MSL2: variants seen among roughly 807,000 people sequenced by gnomAD.
The protein encoded by MSL2 is MSL complex subunit 2.
In MSL2, 2 loss-of-function variants were observed where a neutral mutation model predicts 35.8. The ratio of observed to expected loss-of-function variants is 0.06; its 90% CI spans 0.02 to 0.18. MSL2 has a LOEUF of 0.18. Ranked by LOEUF, MSL2 falls within the 10% of genes least tolerant of loss-of-function variation. MSL2 has a pLI of 1.00. For synonymous variants in MSL2, 296 were observed against 255.7 expected (o/e 1.16, Z -1.50); for missense variants, 523 against 706.7 (o/e 0.74, Z 2.95).
intron 1 of MSL2, among the ~76,000 whole-genome samples, chr3:136,191,725 A>T (rs750020388): frequency 6.6e-6 from 1 of 152,172 alleles, no homozygotes; most frequent in Non-Finnish European, 1.5e-5. Flanking sequence ...GTGAGCTAGG[A>T]TCGCACCACT....
chr3:136,173,195 G>A (rs1035461886), intron 1 of MSL2, among the ~76,000 whole-genome samples: 1 of 152,014 alleles, frequency 6.6e-6, no homozygotes, highest in African/African-American at 2.4e-5. Flanking sequence ...AAAGAAGGTG[G>A]AACATACTTC....
chr3:136,161,943 T>C (rs1939717343), intron 1 of MSL2, among the ~76,000 whole-genome samples: 1 of 146,694 alleles, frequency 6.8e-6, no homozygotes, highest in African/African-American at 2.5e-5. Flanking sequence ...TATATATGCA[T>C]TTTTTTTTTC....
chr3:136,175,434 C>A (rs901720314), intron 1 of MSL2, among the ~76,000 whole-genome samples: 2 of 151,778 alleles, frequency 1.3e-5, no homozygotes, highest in African/African-American at 4.8e-5. Flanking sequence ...ACTTACAATA[C>A]CAGCATTTTG....
intron 1 of MSL2, among the ~76,000 whole-genome samples, chr3:136,185,547 G>T (rs1303811453): frequency 7.0e-6 from 1 of 142,648 alleles, no homozygotes; most frequent in African/African-American, 2.5e-5. Context: ...TGGAGGGGGG[G>T]GTGGGGGAAG....
intron 1 of MSL2, among the ~76,000 whole-genome samples, chr3:136,172,775 A>AT (rs1940063442): frequency 6.6e-6 from 1 of 152,122 alleles, no homozygotes; most frequent in African/African-American, 2.4e-5. Flanking sequence ...TCAAGAGCTA[A>AT]TAAAAAAAAA....
chr3:136,156,168 C>A (rs1364074250), intron 1 of MSL2, among the ~76,000 whole-genome samples: 3 of 152,158 alleles, frequency 2.0e-5, no homozygotes, highest in African/African-American at 7.2e-5. Flanking sequence ...TTTTAAACAA[C>A]TGAATTATAT....
At chr3:136,162,404 A>G (rs1939734664) in intron 1 of MSL2, among the ~76,000 whole-genome samples, 1 of 151,934 alleles carries the variant, frequency 6.6e-6, no homozygotes, top group African/African-American at 2.4e-5. Flanking sequence ...CAATATGGCA[A>G]AACCCCATCT....
chr3:136,163,557 C>A (rs1939766540), intron 1 of MSL2, among the ~76,000 whole-genome samples: 1 of 152,134 alleles, frequency 6.6e-6, no homozygotes, highest in South Asian at 2.1e-4. Flanking sequence ...CCTTGTTATG[C>A]CAGGAAGCAG....
At chr3:136,162,352 G>A (rs903570643) in intron 1 of MSL2, among the ~76,000 whole-genome samples, 3 of 151,146 alleles carry the variant, frequency 2.0e-5, no homozygotes, top group Non-Finnish European at 4.4e-5. Flanking sequence ...AGAGGCCAGC[G>A]TAGGCAGATC....
intron 1 of MSL2, among the ~76,000 whole-genome samples, chr3:136,153,698 G>C (rs1173532549): frequency 6.6e-6 from 1 of 151,964 alleles, no homozygotes; most frequent in African/African-American, 2.4e-5. Flanking sequence ...GCTGAGGCAG[G>C]AGCATCACTT....
chr3:136,154,662 GA>G (rs1210853056), intron 1 of MSL2, among the ~76,000 whole-genome samples: 7 of 152,034 alleles, frequency 4.6e-5, no homozygotes, highest in Admixed American at 4.6e-4. Context: ...GAGAAACTGA[GA>G]AAACATTTAC....
intron 1 of MSL2, among the ~76,000 whole-genome samples, chr3:136,184,070 C>T (rs1461836071): frequency 2.6e-5 from 4 of 152,078 alleles, no homozygotes; most frequent in South Asian, 2.1e-4. Flanking sequence ...CAAAGGCGGG[C>T]GGATCACGAA....
rs1229147853 is a variant in MSL2, at chr3:136,151,856, C to T, written c.1025G>A (p.Arg342Gln). The T allele has an allele frequency of 6.2e-7, 1 of 1,613,982 alleles. No homozygotes were observed. ...CTCACTGTCACTCTCTGATCTGGAT[C>T]GTTTTCTATTCAATTTTGCTATCTT... ...TPKIAKLNRK[R>Q]SRSESDSEKV... is the part of the protein sequence containing the mutation. The change falls in exon 2 of 2, where the codon CGA becomes CAA. Residue 342 changes from arginine (R) to glutamine (Q), a missense_variant. Coordinates refer to ENST00000309993, the MANE Select transcript of MSL2 (RefSeq NM_018133.4). This position sits in a 1 kb window ranked among gnomAD's most constrained non-coding sequence, Gnocchi z 5.2.
chr3:136,189,708 C>T (rs1327872778), intron 1 of MSL2, among the ~76,000 whole-genome samples: 1 of 122,908 alleles, frequency 8.1e-6, no homozygotes, highest in African/African-American at 3.2e-5. Context: ...TGGGCGACAG[C>T]GAGACGCCGT....
intron 1 of MSL2, among the ~76,000 whole-genome samples, chr3:136,188,195 G>A (rs1485286501): frequency 6.6e-6 from 1 of 152,122 alleles, no homozygotes; most frequent in African/African-American, 2.4e-5. Flanking sequence ...ACCACTTTGG[G>A]AGGCCAAGCT....
intron 1 of MSL2, among the ~76,000 whole-genome samples, chr3:136,163,973 A>G (rs551909150): frequency 6.6e-6 from 1 of 152,330 alleles, no homozygotes; most frequent in East Asian, 1.9e-4. Flanking sequence ...TTTGTAAATT[A>G]CCCAGTCTCA....
chr3:136,154,547 C>T (rs1351631797), intron 1 of MSL2, among the ~76,000 whole-genome samples: 2 of 150,270 alleles, frequency 1.3e-5, no homozygotes. Flanking sequence ...TGTTCAACCA[C>T]AACAGAAATT....
intron 1 of MSL2, chr3:136,194,304 AT>A (rs998749587): frequency 1.3e-4 from 77 of 610,844 alleles, no homozygotes; most frequent in Non-Finnish European, 1.5e-4. Flanking sequence ...CCACGAGTTA[AT>A]TTTTTTTAAC....
In MSL2 at chr3:136,158,429, A is replaced by G. The variant is rs77402570; in HGVS notation, c.143-5691T>C. On this transcript the variant is annotated intron_variant, in intron 1 of 1. Transcript: ENST00000309993. ...CATATAATACAATACCTATTCACAC[A>G]CACACACAAATTCACAAACGAGAAA... Among the ~76,000 whole-genome samples, 1,215 of 152,266 alleles carry G rather than the reference A, an allele frequency of 8.0e-3. 24 individuals are homozygous for G. The highest frequency in any genetic ancestry group is 0.027 in the African/African-American group (1,105 of 41,550).
Sources: gnomAD v4.1 joint callset for allele counts (sites outside exome capture counted in the v4.1 genomes callset) on GRCh38, gnomAD v4.1.1 for gene constraint, Gnocchi (gnomAD v3.1) non-coding constraint, MANE v1.5 for transcripts, NCBI Gene and HGNC (gene_info 2026-07-23, HGNC 2026-07-21) for gene names.